Variants in CSMD1 observed in about 807,000 individuals in gnomAD.
CSMD1 encodes CUB and sushi domain-containing protein 1.
A neutral mutation model predicts 417.5 loss-of-function variants in CSMD1; 213 were observed. The observed-to-expected ratio is 0.51, with a 90% CI of 0.46 to 0.57. The LOEUF (loss-of-function observed/expected upper bound fraction) is 0.57, where lower values mean the gene tolerates loss of function less well. Among genes scored for constraint, CSMD1 ranks in the 20% least tolerant of loss-of-function variants. The pLI is 0.00. For missense variants in CSMD1, 6,923 were observed against 4,529.7 expected (o/e 1.53, Z -15.17); for synonymous variants, 2,862 against 1,736.8 (o/e 1.65, Z -16.11).
At chr8:3,184,123 T>G (rs921776734) in intron 36 of CSMD1, among the ~76,000 whole-genome samples, 2 of 152,158 alleles carry the variant, frequency 1.3e-5, no homozygotes, top group Non-Finnish European at 2.9e-5. Flanking sequence ...CTTCTTATCA[T>G]TACTTGTTTT....
intron 3 of CSMD1, among the ~76,000 whole-genome samples, chr8:4,078,169 C>T (rs544295570): frequency 7.2e-5 from 11 of 152,274 alleles, no homozygotes; most frequent in African/African-American, 2.6e-4. Context: ...AATGGCAATT[C>T]AGTTTGCTAT....
chr8:4,898,125 G>A (rs1040043872), intron 1 of CSMD1, among the ~76,000 whole-genome samples: 5 of 152,070 alleles, frequency 3.3e-5, no homozygotes, highest in East Asian at 1.9e-4. Context: ...AATAAATATT[G>A]CCCATATATA....
rs1283603907 is a variant in CSMD1, at chr8:4,577,068, A to G, written c.302+60274T>C. On this transcript the variant is annotated intron_variant, in intron 2 of 69. Coordinates refer to ENST00000635120, the MANE Select transcript of CSMD1 (RefSeq NM_033225.6). Reference sequence around the variant, plus strand: ...TGCTTTGATTACGAACAGGCCAAAAATGATTATATGATAATTTGTATATAC... The same window carrying G: ...TGCTTTGATTACGAACAGGCCAAAAGTGATTATATGATAATTTGTATATAC... 3.3e-5 allele frequency among the ~76,000 whole-genome samples: 5 copies of G among 152,188 alleles called. No homozygotes were observed. The East Asian group carries it at 9.6e-4, about 29-fold the overall frequency.
At chr8:3,457,043 C>T (rs1251017733) in intron 12 of CSMD1, among the ~76,000 whole-genome samples, 2 of 151,816 alleles carry the variant, frequency 1.3e-5, no homozygotes, top group South Asian at 2.1e-4. Context: ...CACCTGTACC[C>T]CTCATTCTGT....
chr8:4,751,481 G>C (rs959141385), intron 1 of CSMD1, among the ~76,000 whole-genome samples: 1 of 152,116 alleles, frequency 6.6e-6, no homozygotes, highest in South Asian at 2.1e-4. Flanking sequence ...CATAAAAAGT[G>C]TCCTGGATTT....
intron 9 of CSMD1, among the ~76,000 whole-genome samples, chr8:3,585,839 T>A (rs1226643949): frequency 6.6e-6 from 1 of 152,170 alleles, no homozygotes; most frequent in African/African-American, 2.4e-5. Flanking sequence ...GGACATATAT[T>A]CACACACATG....
chr8:3,862,846 A>G (rs1489376012), intron 5 of CSMD1, among the ~76,000 whole-genome samples: 1 of 152,140 alleles, frequency 6.6e-6, no homozygotes, highest in Non-Finnish European at 1.5e-5. Flanking sequence ...AGGTGTCAAA[A>G]TCTCTTGGTC....
At chr8:4,051,639 C>G (rs545197567) in intron 3 of CSMD1, among the ~76,000 whole-genome samples, 1 of 152,180 alleles carries the variant, frequency 6.6e-6, no homozygotes, top group East Asian at 1.9e-4. Flanking sequence ...CCCTAGAAAA[C>G]TATGATAAAA....
At chr8:4,830,352 T>C (rs1800078709) in intron 1 of CSMD1, among the ~76,000 whole-genome samples, 1 of 152,194 alleles carries the variant, frequency 6.6e-6, no homozygotes, top group African/African-American at 2.4e-5. Flanking sequence ...TTTGACACAT[T>C]AGAGATAATT....
At chr8:3,806,478 T>C (rs551626564) in intron 5 of CSMD1, among the ~76,000 whole-genome samples, 1 of 152,284 alleles carries the variant, frequency 6.6e-6, no homozygotes, top group East Asian at 1.9e-4. Context: ...CTTCTATAAC[T>C]GAGTCTCCAA....
At chr8:3,787,597 C>T (rs58676762) in intron 5 of CSMD1, among the ~76,000 whole-genome samples, 7,201 of 152,132 alleles carry the variant, frequency 0.047, 351 homozygotes, top group African/African-American at 0.11. Flanking sequence ...GATGTAGTTG[C>T]TACAACAGTT....
chr8:4,402,795 T>G (rs985428450), intron 3 of CSMD1, among the ~76,000 whole-genome samples: 2 of 123,612 alleles, frequency 1.6e-5, no homozygotes, highest in Non-Finnish European at 3.2e-5. Context: ...TGTCCTCACT[T>G]TTTTCTTTTT....
At chr8:3,822,052 C>G (rs1801765991) in intron 5 of CSMD1, among the ~76,000 whole-genome samples, 1 of 152,194 alleles carries the variant, frequency 6.6e-6, no homozygotes. Context: ...ACATCTCTGC[C>G]TTTTGACCTA....
chr8:3,421,818 C>T (rs911014964), intron 12 of CSMD1, among the ~76,000 whole-genome samples: 7 of 152,086 alleles, frequency 4.6e-5, no homozygotes, highest in Admixed American at 2.0e-4. Context: ...TTGTATTTTT[C>T]GTACAGACAG....
At chr8:4,919,443 G>A (rs1295454535) in intron 1 of CSMD1, among the ~76,000 whole-genome samples, 1 of 151,928 alleles carries the variant, frequency 6.6e-6, no homozygotes, top group East Asian at 1.9e-4. Flanking sequence ...AAATTAAGGG[G>A]GATTTAATGT....
intron 3 of CSMD1, among the ~76,000 whole-genome samples, chr8:4,408,425 A>T (rs565512815): frequency 6.6e-6 from 1 of 152,334 alleles, no homozygotes; most frequent in African/African-American, 2.4e-5. Flanking sequence ...ATCAGGTTTT[A>T]AAGAAAAGAA....
intron 1 of CSMD1, among the ~76,000 whole-genome samples, chr8:4,681,501 C>T (rs1806049348): frequency 1.3e-5 from 2 of 152,120 alleles, no homozygotes; most frequent in African/African-American, 4.8e-5. Context: ...TGTCTCAATA[C>T]GTTGTTAGGT....
chr8:4,186,475 G>A (rs1411416311), intron 3 of CSMD1, among the ~76,000 whole-genome samples: 2 of 151,868 alleles, frequency 1.3e-5, no homozygotes, highest in Non-Finnish European at 2.9e-5. Context: ...TGCTAATAAG[G>A]AAAATAAATA....
intron 51 of CSMD1, among the ~76,000 whole-genome samples, chr8:3,019,464 G>A (rs77688746): frequency 0.055 from 8,369 of 152,206 alleles, 242 homozygotes; most frequent in African/African-American, 0.074. Flanking sequence ...AAAGTAGTGT[G>A]GTATTAAAAT....
Sources: gnomAD v4.1 joint callset for allele counts (sites outside exome capture counted in the v4.1 genomes callset) on GRCh38, gnomAD v4.1.1 for gene constraint, MANE v1.5 for transcripts, NCBI Gene and HGNC (gene_info 2026-07-23, HGNC 2026-07-21) for gene names.